The following COG4 variants were observed in gnomAD, a reference collection of about 807,000 sequenced individuals.
COG4 encodes the protein component of oligomeric golgi complex 4, also known as conserved oligomeric Golgi complex subunit 4.
COG4 carries 65 observed loss-of-function variants against 95.1 expected under a neutral mutation model. That is an observed-to-expected ratio of 0.68 (90% CI 0.56 to 0.84). COG4 has a LOEUF of 0.84. Ranked by LOEUF, COG4 falls within the 40% of genes least tolerant of loss-of-function variation. The pLI, the probability that COG4 is intolerant of heterozygous loss-of-function variation, is 0.00. For synonymous variants in COG4, 421 were observed against 374.8 expected (o/e 1.12, Z -1.42); for missense variants, 1,045 against 989.1 (o/e 1.06, Z -0.76).
At chr16:70,499,425 T>G (rs1446672838) in intron 9 of COG4, among the ~76,000 whole-genome samples, 1 of 152,222 alleles carries the variant, frequency 6.6e-6, no homozygotes, top group Non-Finnish European at 1.5e-5. Flanking sequence ...TATACACTGA[T>G]TCTGTAATGC....
Position 70,490,536 on chromosome 16 carries a change from C to T in COG4, c.1648-144G>A, listed in dbSNP as rs116925701. ...AGACTTGCGCTAATGAAAACCCACA[C>T]TGCTACATCTGAGCAGGACGCTCAG... is the stretch of plus-strand genomic sequence containing the variant. On this transcript the variant is annotated intron_variant, in intron 12 of 18. Coordinates refer to ENST00000323786, the MANE Select transcript of COG4 (RefSeq NM_015386.3). 0.01 allele frequency: 7,303 copies of T among 726,000 alleles called. 97 individuals carry two copies. Among genetic ancestry groups the T allele is most frequent in the Non-Finnish European group, 0.011 (4,579 of 401,332 alleles). The allele number at this position is 726,000 out of a possible 1,614,324, so 45.0% of individuals were successfully genotyped here.
At chr16:70,517,024 C>G (rs1321758469) in intron 3 of COG4, among the ~76,000 whole-genome samples, 1 of 152,046 alleles carries the variant, frequency 6.6e-6, no homozygotes, top group Non-Finnish European at 1.5e-5. Flanking sequence ...CTCAGTCTCC[C>G]AAAGTGCTGG....
chr16:70,515,779 T>TA, intron 3 of COG4: 1 of 298,148 alleles, frequency 3.4e-6, no homozygotes, highest in Non-Finnish European at 6.6e-6. Flanking sequence ...TTCCTCATCT[T>TA]AGGGGGAAAG....
chr16:70,507,272 C>CA (rs200062449), intron 8 of COG4, among the ~76,000 whole-genome samples: 5,566 of 150,784 alleles, frequency 0.037, 301 homozygotes, highest in African/African-American at 0.12. Flanking sequence ...AAAACAACAA[C>CA]AAAAAAAAAC....
At chr16:70,484,030 C>T (rs2049075409) in intron 13 of COG4, 61 bp from the exon 14 acceptor site, 2 of 1,232,146 alleles carry the variant, frequency 1.6e-6, no homozygotes, top group East Asian at 2.3e-5. Flanking sequence ...GTGTGAGGAG[C>T]CACCAGCCAG....
chr16:70,481,758 C>T lies in COG4; in HGVS notation c.2106+6G>A. ...GAGCCGCAGACCCATGACCCCTTTA[C>T]CTTACCCGGTTAAAGGTGGATTTCA... is the stretch of plus-strand genomic sequence containing the variant. On this transcript the variant is annotated splice_donor_region_variant and intron_variant, in intron 17 of 18. Transcript: ENST00000323786. 1 of 1,611,204 alleles carries T rather than the reference C, an allele frequency of 6.2e-7. No individual in the cohort carries two copies. The highest frequency in any genetic ancestry group is 8.5e-7 in the Non-Finnish European group (1 of 1,177,484).
chr16:70,517,455 G>A (rs948359426), intron 3 of COG4, among the ~76,000 whole-genome samples, 171 bp downstream of exon 3: 4 of 151,780 alleles, frequency 2.6e-5, no homozygotes, highest in African/African-American at 9.7e-5. Context: ...GGGCATAGTG[G>A]TGGATGCCCG....
intron 3 of COG4, 49 bp from the exon 4 acceptor site, chr16:70,514,558 C>T (rs752738901): frequency 4.5e-6 from 7 of 1,549,126 alleles, no homozygotes; most frequent in Non-Finnish European, 6.2e-6. Context: ...CTTTCAAAAA[C>T]ACCCCTCAAG....
chr16:70,495,842 A>G (rs1371609282), intron 12 of COG4, among the ~76,000 whole-genome samples: 2 of 152,236 alleles, frequency 1.3e-5, no homozygotes. Flanking sequence ...AGCCTAAGAC[A>G]TGTACTAGCA....
chr16:70,502,328 C>T (rs1186954761), intron 8 of COG4, among the ~76,000 whole-genome samples: 1 of 142,528 alleles, frequency 7.0e-6, no homozygotes, highest in African/African-American at 2.6e-5. Context: ...GGCGCAGTGG[C>T]TCACGCCTGT....
chr16:70,481,697 T>A (rs6416698), intron 17 of COG4, 67 bp downstream of exon 17: 2 of 1,395,922 alleles, frequency 1.4e-6, no homozygotes, highest in East Asian at 2.3e-5. Context: ...GTCCTGGGGG[T>A]GGTGGCATGA....
intron 8 of COG4, among the ~76,000 whole-genome samples, chr16:70,504,605 TA>T (rs1180185093): frequency 4.4e-5 from 4 of 91,130 alleles, no homozygotes; most frequent in Non-Finnish European, 8.0e-5. Context: ...AGTGAGATTC[TA>T]TTTAAAAAAA....
chr16:70,481,353 A>C lies in COG4; in HGVS notation c.2235+6T>G, dbSNP rs1382914794. On this transcript the variant is annotated splice_donor_region_variant and intron_variant, in intron 18 of 18. Transcript: ENST00000323786. ...TCCCTGGCTGGGCCAAGGGTGCCCC[A>C]CCTACCCGCTCCAGATTGAGGATGG... 1 of 1,611,836 alleles carries C rather than the reference A, an allele frequency of 6.2e-7. No individual in the cohort carries two copies. The highest frequency in any genetic ancestry group is 1.1e-5 in the South Asian group (1 of 91,052).
Position 70,480,837 on chromosome 16 carries a change from T to A in COG4, c.*173A>T, listed in dbSNP as rs552824961. 1 of 726,048 alleles carries A rather than the reference T, an allele frequency of 1.4e-6. No homozygotes were observed. The highest frequency in any genetic ancestry group is 1.7e-5 in the South Asian group (1 of 58,164). The allele number at this position is 726,048 out of a possible 1,614,324, so 45.0% of individuals were successfully genotyped here. Reference sequence around the variant, plus strand: ...GCCCCCAGAGCATCACCTGGCCAGGTCTGAGGGCAGAGCATGGAGTGGGTC... The same window carrying A: ...GCCCCCAGAGCATCACCTGGCCAGGACTGAGGGCAGAGCATGGAGTGGGTC... On this transcript the variant is annotated 3_prime_UTR_variant, in exon 19 of 19. Transcript: ENST00000323786.
chr16:70,496,965 G>A (rs1431387108), intron 11 of COG4, among the ~76,000 whole-genome samples: 1 of 152,174 alleles, frequency 6.6e-6, no homozygotes, highest in East Asian at 1.9e-4. Context: ...TTATTCATCT[G>A]AACTGCCTGT....
chr16:70,496,238 C>T (rs777590106), intron 12 of COG4, 28 bp downstream of exon 12: 3 of 1,613,984 alleles, frequency 1.9e-6, no homozygotes, highest in Middle Eastern at 1.6e-4. Context: ...GATAAACCAA[C>T]CCAGCTCGTG....
intron 13 of COG4, among the ~76,000 whole-genome samples, chr16:70,485,583 T>A (rs530370713): frequency 6.9e-6 from 1 of 145,864 alleles, no homozygotes; most frequent in South Asian, 2.1e-4. Context: ...ATCCTGTTTT[T>A]TTTGTTTTTT....
intron 11 of COG4, 85 bp downstream of exon 11, chr16:70,497,136 A>T: frequency 7.7e-7 from 1 of 1,300,344 alleles, no homozygotes; most frequent in Non-Finnish European, 1.1e-6. Flanking sequence ...TAGAATCATG[A>T]GGACAAAGGG....
intron 1 of COG4, among the ~76,000 whole-genome samples, 178 bp from the exon 2 acceptor site, chr16:70,519,909 T>C (rs1432841787): frequency 6.6e-6 from 1 of 152,248 alleles, no homozygotes; most frequent in Non-Finnish European, 1.5e-5. Context: ...GATTGTTATC[T>C]TACGTATATC....
Sources: allele counts gnomAD v4.1 joint callset (sites outside exome capture counted in the v4.1 genomes callset), GRCh38; gene constraint gnomAD v4.1.1; transcripts MANE v1.5; gene names NCBI Gene and HGNC (gene_info 2026-07-23, HGNC 2026-07-21).